The following DMXL2 variants were observed in gnomAD, a reference collection of about 807,000 sequenced individuals.
DMXL2 encodes dmX-like protein 2.
A neutral mutation model predicts 331.1 loss-of-function variants in DMXL2; 103 were observed. The observed-to-expected ratio is 0.31, with a 90% confidence interval of 0.27 to 0.37. DMXL2 has a LOEUF of 0.37. Among genes scored for constraint, DMXL2 ranks in the 10% least tolerant of loss-of-function variants. The probability of loss-of-function intolerance (pLI) is 1.00; values close to 1 mark genes in which losing one functional copy is unlikely to be tolerated. For synonymous variants in DMXL2, 1,281 were observed against 1,252.1 expected (o/e 1.02, Z -0.49); for missense variants, 3,171 against 3,642.9 (o/e 0.87, Z 3.33).
intron 16 of DMXL2, among the ~76,000 whole-genome samples, chr15:51,505,436 A>C (rs1301073417): frequency 6.6e-6 from 1 of 152,206 alleles, no homozygotes; most frequent in African/African-American, 2.4e-5. Context: ...AGGACCTGTT[A>C]CTACCCCTAT....
intron 9 of DMXL2, among the ~76,000 whole-genome samples, chr15:51,539,116 AG>A (rs1481314238): frequency 6.6e-6 from 1 of 151,978 alleles, no homozygotes; most frequent in Non-Finnish European, 1.5e-5. Context: ...AGGCTTAAGC[AG>A]GAGAATTGCT....
intron 6 of DMXL2, among the ~76,000 whole-genome samples, chr15:51,554,677 A>C (rs2049439108): frequency 1.3e-5 from 2 of 152,338 alleles, no homozygotes; most frequent in South Asian, 4.1e-4. Flanking sequence ...AATGAGGCAA[A>C]TTAGATGGAG....
chr15:51,469,555 A>G (rs1398831278), intron 29 of DMXL2, among the ~76,000 whole-genome samples: 1 of 152,232 alleles, frequency 6.6e-6, no homozygotes, highest in Non-Finnish European at 1.5e-5. Context: ...CAATGGTAAC[A>G]GTTATCTTTG....
chr15:51,607,715 C>T (rs2053686658), intron 1 of DMXL2, among the ~76,000 whole-genome samples: 1 of 152,084 alleles, frequency 6.6e-6, no homozygotes, highest in African/African-American at 2.4e-5. Flanking sequence ...GGAAAAAAAT[C>T]TCAAAGGCAA....
intron 18 of DMXL2, among the ~76,000 whole-genome samples, chr15:51,498,148 G>A (rs2043317645): frequency 6.6e-6 from 1 of 152,146 alleles, no homozygotes; most frequent in Admixed American, 6.5e-5. Context: ...GCTGAGATAG[G>A]AAGATTACTT....
chr15:51,449,205 C>A lies in DMXL2; in HGVS notation c.8968-12G>T. On this transcript the variant is annotated splice_polypyrimidine_tract_variant and intron_variant, in intron 43 of 43. Transcript: ENST00000560891. ...GTCAATCTCCAAACCTAGTGCAAAACAAAAGGAGTTAAAAATATATTACGA... is the reference window on the plus strand; with the variant it reads ...GTCAATCTCCAAACCTAGTGCAAAAAAAAAGGAGTTAAAAATATATTACGA... The A allele has an allele frequency of 6.2e-7, 1 of 1,613,326 alleles. No individual in the cohort carries two copies. Among genetic ancestry groups the A allele is most frequent in the Non-Finnish European group, 8.5e-7 (1 of 1,179,682 alleles).
chr15:51,472,667 G>T (rs1010138470), intron 28 of DMXL2, among the ~76,000 whole-genome samples: 1 of 152,076 alleles, frequency 6.6e-6, no homozygotes, highest in Non-Finnish European at 1.5e-5. Flanking sequence ...GCCTATTTTT[G>T]AAGTTCATAC....
Position 51,536,190 on chromosome 15 carries a change from T to C in DMXL2, c.2290A>G (p.Thr764Ala), listed in dbSNP as rs780903600. Residue 764 changes from threonine (T) to alanine (A), a missense_variant, in exon 12 of 44, where the codon ACT becomes GCT. By Grantham distance (58) the Thr-to-Ala change is moderately conservative (BLOSUM62 0). Coordinates refer to ENST00000560891, the MANE Select transcript of DMXL2 (RefSeq NM_001378457.1). Reference sequence around the variant, plus strand: ...CCTAGACAGTAACTGGGAATGAGAGTTGGAAGCCAAGCCACATTAGAGAAC... The same window carrying C: ...CCTAGACAGTAACTGGGAATGAGAGCTGGAAGCCAAGCCACATTAGAGAAC... ...SAFSNVAWLP[T>A]LIPSYCLGTY... The C allele has an allele frequency of 3.8e-6, 6 of 1,595,220 alleles. No individual in the cohort carries two copies. The South Asian group carries it at 6.8e-5, about 18-fold the overall frequency.
In DMXL2 at chr15:51,458,711, T is replaced by C. The variant is rs745987378; in HGVS notation, c.8074A>G (p.Lys2692Glu). The change falls in exon 35 of 44, where the codon AAG becomes GAG. Residue 2692 changes from lysine to glutamate, a missense_variant and splice_region_variant. Lys to Glu is a moderately conservative substitution (Grantham distance 56). Transcript: ENST00000560891. ...SDMIMAFSVN[K>E]ANCNEIVLAS... Reference sequence around the variant, plus strand: ...TGTATAATGATGAGAGCTTTTACCTTATTAACAGAAAATGCCATGATCATA... The same window carrying C: ...TGTATAATGATGAGAGCTTTTACCTCATTAACAGAAAATGCCATGATCATA... 5.6e-6 allele frequency: 9 copies of C among 1,614,020 alleles called. No individual in the cohort carries two copies. Among genetic ancestry groups the C allele is most frequent in the Admixed American group, 1.7e-5 (1 of 60,022 alleles).
intron 6 of DMXL2, among the ~76,000 whole-genome samples, chr15:51,561,427 G>C (rs2049963622): frequency 6.6e-6 from 1 of 152,180 alleles, no homozygotes; most frequent in African/African-American, 2.4e-5. Flanking sequence ...AGAGGCTGTA[G>C]TGAGGCTTTG....
chr15:51,571,461 C>T (rs147104382), intron 2 of DMXL2, among the ~76,000 whole-genome samples: 78 of 152,300 alleles, frequency 5.1e-4, no homozygotes, highest in African/African-American at 1.7e-3. Context: ...GAACTCACCA[C>T]ACCAAATCAA....
chr15:51,523,384 G>A (rs1834252453), intron 13 of DMXL2, among the ~76,000 whole-genome samples: 1 of 152,176 alleles, frequency 6.6e-6, no homozygotes, highest in African/African-American at 2.4e-5. Flanking sequence ...AAGGAAGTCT[G>A]GAGGCTCAAG....
Position 51,457,327 on chromosome 15 carries a change from C to G in DMXL2, c.8337+1G>C. 1 of 1,612,576 alleles carries G rather than the reference C, an allele frequency of 6.2e-7. No individual in the cohort carries two copies. The highest frequency in any genetic ancestry group is 8.5e-7 in the Non-Finnish European group (1 of 1,179,572). On this transcript the variant is annotated splice_donor_variant, in intron 37 of 43. Coordinates refer to ENST00000560891, the MANE Select transcript of DMXL2 (RefSeq NM_001378457.1). LOFTEE classifies it high-confidence loss of function. Reference sequence around the variant, plus strand: ...ATGATACCTATAAGTAAATAACATACCACACTAGCTCCAGTGCTAGTCTGT... The same window carrying G: ...ATGATACCTATAAGTAAATAACATAGCACACTAGCTCCAGTGCTAGTCTGT...
chr15:51,465,451 T>C (rs2140274071), intron 31 of DMXL2, 115 bp downstream of exon 31: 2 of 768,162 alleles, frequency 2.6e-6, no homozygotes, highest in Non-Finnish European at 4.4e-6. Flanking sequence ...CTTTATAAAA[T>C]ATCTAATGCA....
At chr15:51,556,470 T>C (rs1015609989) in intron 6 of DMXL2, among the ~76,000 whole-genome samples, 2 of 151,582 alleles carry the variant, frequency 1.3e-5, no homozygotes, top group African/African-American at 2.4e-5. Context: ...GTATTTCATC[T>C]TATTAAAAAA....
intron 20 of DMXL2, among the ~76,000 whole-genome samples, chr15:51,489,383 G>A (rs572598012): frequency 1.3e-5 from 2 of 152,114 alleles, no homozygotes; most frequent in East Asian, 3.9e-4. Context: ...CGGGCCGGAC[G>A]CAGTGGTTCA....
chr15:51,481,341 T>TC lies in DMXL2; in HGVS notation c.5764dup (p.Asp1922GlyfsTer4), dbSNP rs1567009259. Reference sequence around the variant, plus strand: ...CCTGTGAGAAATGAAGTCAGGCTGATCTTTTTTTGCAGATAAGGCAGATGT... The same window carrying TC: ...CCTGTGAGAAATGAAGTCAGGCTGATCCTTTTTTTGCAGATAAGGCAGATGT... On this transcript the variant is annotated frameshift_variant, in exon 24 of 44. Coordinates refer to ENST00000560891, the MANE Select transcript of DMXL2 (RefSeq NM_001378457.1). LOFTEE classifies it high-confidence loss of function. 6.2e-7 allele frequency: 1 copy of TC among 1,614,150 alleles called. No homozygotes were observed. Among genetic ancestry groups the TC allele is most frequent in the South Asian group, 1.1e-5 (1 of 91,068 alleles).
At chr15:51,536,904 T>C in intron 11 of DMXL2, 42 bp from the exon 12 acceptor site, 1 of 1,473,646 alleles carries the variant, frequency 6.8e-7, no homozygotes, top group Non-Finnish European at 9.1e-7. Context: ...ATAGTTTACC[T>C]CCTCTCAAAA....
intron 13 of DMXL2, among the ~76,000 whole-genome samples, chr15:51,532,521 G>C (rs2048061536): frequency 6.6e-6 from 1 of 152,104 alleles, no homozygotes; most frequent in Non-Finnish European, 1.5e-5. Context: ...AAAATAACTA[G>C]AAGAGTGTAA....
Sources: allele counts gnomAD v4.1 joint callset (sites outside exome capture counted in the v4.1 genomes callset), GRCh38; gene constraint gnomAD v4.1.1; transcripts MANE v1.5; gene names NCBI Gene and HGNC (gene_info 2026-07-23, HGNC 2026-07-21).